NDUFA10: variants seen among roughly 807,000 people sequenced by gnomAD.
NDUFA10 encodes the protein NADH dehydrogenase [ubiquinone] 1 alpha subcomplex subunit 10, mitochondrial.
A neutral mutation model predicts 47.8 loss-of-function variants in NDUFA10; 40 were observed. The observed-to-expected ratio is 0.84, with a 90% confidence interval of 0.65 to 1.09. NDUFA10 has a LOEUF of 1.09. NDUFA10 is among the 50% of genes least tolerant of loss of function. NDUFA10 has a pLI of 0.00. For synonymous variants in NDUFA10, 183 were observed against 172.2 expected, an observed-to-expected ratio of 1.06 and a Z score of -0.49; for missense variants, 413 against 451.1, an observed-to-expected ratio of 0.92 and a Z score of 0.76.
At chr2:240,022,390 T>G in intron 1 of NDUFA10, 50 bp from the exon 2 acceptor site, 1 of 1,612,644 alleles carries the variant, frequency 6.2e-7, no homozygotes, top group Non-Finnish European at 8.5e-7. Context: ...CTCTGGTTCC[T>G]GTAGGCATTA....
At chr2:240,020,400 C>A (rs575586689) in intron 3 of NDUFA10, among the ~76,000 whole-genome samples, 1 of 152,178 alleles carries the variant, frequency 6.6e-6, no homozygotes, top group African/African-American at 2.4e-5. Flanking sequence ...AACTGAGGAC[C>A]GCCGTGGCAT....
chr2:239,943,745 C>T (rs980821314), intron 4 of NDUFA10, among the ~76,000 whole-genome samples: 4 of 151,932 alleles, frequency 2.6e-5, no homozygotes, highest in African/African-American at 9.7e-5. Flanking sequence ...GCACTGGCAT[C>T]CCCTGGTGTT....
intron 4 of NDUFA10, among the ~76,000 whole-genome samples, chr2:239,896,250 T>C (rs896386913): frequency 1.1e-4 from 16 of 152,258 alleles, no homozygotes; most frequent in African/African-American, 3.9e-4. Flanking sequence ...AAATCTCCTG[T>C]GCTCCTGCCC....
intron 8 of NDUFA10, among the ~76,000 whole-genome samples, chr2:239,997,008 T>C (rs1354213809): frequency 6.6e-6 from 1 of 152,122 alleles, no homozygotes; most frequent in African/African-American, 2.4e-5. Context: ...ATGTAAATGC[T>C]ATATAAATAG....
At chr2:240,012,225 T>A in intron 5 of NDUFA10, 1 of 164,794 alleles carries the variant, frequency 6.1e-6, no homozygotes, top group South Asian at 1.6e-4. Context: ...CTATGCGAAT[T>A]TCAGAAACTT....
chr2:239,919,356 C>T (rs1053654889), intron 4 of NDUFA10, among the ~76,000 whole-genome samples: 2 of 152,180 alleles, frequency 1.3e-5, no homozygotes, highest in Non-Finnish European at 2.9e-5. Flanking sequence ...CTCTCTGCCC[C>T]TCCCTGTCCT....
At chr2:239,962,248 A>C (rs948173188) in intron 9 of NDUFA10, among the ~76,000 whole-genome samples, 1 of 140,618 alleles carries the variant, frequency 7.1e-6, no homozygotes, top group African/African-American at 2.6e-5. Context: ...CACCCCTTCC[A>C]AATTCTGCCC....
chr2:240,007,342 C>A lies in NDUFA10; in HGVS notation c.778G>T (p.Ala260Ser), dbSNP rs1206126836. 6.3e-7 allele frequency: 1 copy of A among 1,596,632 alleles called. No homozygotes were observed. The highest frequency in any genetic ancestry group is 1.7e-5 in the Admixed American group (1 of 59,948). ...TTTTTTGAATCTTGAGCTTCCCTTGCAGAATATTGTAAAACCTCACATTTT... is the reference window on the plus strand; with the variant it reads ...TTTTTTGAATCTTGAGCTTCCCTTGAAGAATATTGTAAAACCTCACATTTT... ...SEKCEVLQYS[A>S]REAQDSKKVV... Residue 260 changes from alanine (A) to serine (S), a missense_variant, in exon 7 of 10, where the codon GCA (alanine) becomes TCA (serine). Physicochemically the swap from Ala to Ser is moderately conservative, Grantham distance 99 (BLOSUM62 1). Transcript: ENST00000252711.
intron 3 of NDUFA10, among the ~76,000 whole-genome samples, chr2:240,019,489 T>C (rs1223810824): frequency 6.6e-6 from 1 of 152,038 alleles, no homozygotes; most frequent in African/African-American, 2.4e-5. Flanking sequence ...TTTTAAGAAA[T>C]GAGTAGTCAG....
intron 8 of NDUFA10, 135 bp from the exon 9 acceptor site, chr2:239,990,317 A>G (rs1696193046): frequency 2.7e-6 from 2 of 733,200 alleles, no homozygotes; most frequent in South Asian, 1.5e-5. Context: ...TTGCCAAGCA[A>G]TCATCCCAGC....
At chr2:239,939,819 G>A (rs988485167) in intron 4 of NDUFA10, among the ~76,000 whole-genome samples, 7 of 152,326 alleles carry the variant, frequency 4.6e-5, no homozygotes, top group South Asian at 2.1e-4. Context: ...CGGTCAGAAC[G>A]CTGATAATCC....
chr2:240,006,196 T>G (rs889321178), intron 7 of NDUFA10, among the ~76,000 whole-genome samples: 2 of 152,186 alleles, frequency 1.3e-5, no homozygotes, highest in Non-Finnish European at 2.9e-5. Flanking sequence ...TTATTCTTCT[T>G]CTAAGATACA....
intron 9 of NDUFA10, among the ~76,000 whole-genome samples, chr2:239,989,019 AT>A (rs4149564): frequency 0.58 from 86,670 of 149,930 alleles, 25,245 homozygotes; most frequent in Admixed American, 0.6. Flanking sequence ...ACAAGGACAG[AT>A]AAGGGAGAAA....
chr2:239,972,745 A>T (rs2106411334), intron 9 of NDUFA10, among the ~76,000 whole-genome samples: 1 of 152,352 alleles, frequency 6.6e-6, no homozygotes, highest in South Asian at 2.1e-4. Context: ...TATTTGTTGC[A>T]ATGAGTATTA....
rs781664989 is a variant in NDUFA10 at position 239,958,975 on chromosome 2, C to T, written c.*2143G>A. ...TTTAGTTGTAAGAGCTTTCGTGAGA[C>T]GAACGCATGTACTGCTCTGAAATAA... On this transcript the variant is annotated 3_prime_UTR_variant, in exon 10 of 10. Coordinates refer to ENST00000252711, the MANE Select transcript of NDUFA10 (RefSeq NM_004544.4). 3 of 985,296 alleles carry T rather than the reference C, an allele frequency of 3.0e-6. No homozygotes were observed. Among genetic ancestry groups the T allele is most frequent in the African/African-American group, 1.7e-5 (1 of 57,220 alleles). 61.0% of individuals were successfully genotyped at this position (985,296 alleles called of 1,614,324 possible).
rs955399107 is a variant in NDUFA10 at position 239,960,981 on chromosome 2, G to A, written c.*137C>T. 2.2e-5 allele frequency: 34 copies of A among 1,541,160 alleles called. No individual in the cohort carries two copies. In the African/African-American group the frequency reaches 4.7e-4, roughly 21 times the overall value. On this transcript the variant is annotated 3_prime_UTR_variant, in exon 10 of 10. Coordinates refer to ENST00000252711, the MANE Select transcript of NDUFA10 (RefSeq NM_004544.4). ...TATACTACAGGATGGATTGCTTTTT[G>A]TGAGACCCCTTCTTCCACTGTGCAA... is the stretch of plus-strand genomic sequence containing the variant.
intron 8 of NDUFA10, among the ~76,000 whole-genome samples, chr2:240,004,355 A>G (rs1696853671): frequency 6.6e-6 from 1 of 152,064 alleles, no homozygotes; most frequent in South Asian, 2.1e-4. Context: ...TTTGTTTTTC[A>G]TTTAATAGAT....
chr2:240,017,427 C>G (rs972739978), intron 4 of NDUFA10, among the ~76,000 whole-genome samples: 1 of 152,184 alleles, frequency 6.6e-6, no homozygotes. Flanking sequence ...CTGTCCCTGA[C>G]ACTATCCCAT....
At position 239,978,372 on chromosome 2, in the gene NDUFA10, C is replaced by T. The variant is rs115347759; in HGVS notation, c.999+11702G>A. On this transcript the variant is annotated intron_variant, in intron 9 of 9. Coordinates refer to ENST00000252711, the MANE Select transcript of NDUFA10 (RefSeq NM_004544.4). ...CCTGGGCATGGTCAACCTTCACCAC[C>T]CCTGACCTTCCTGCGGCCTCTGACA... Among the ~76,000 whole-genome samples the T allele has an allele frequency of 1.8e-3, 278 of 152,258 alleles. 2 individuals are homozygous for T. Among genetic ancestry groups the T allele is most frequent in the African/African-American group, 6.5e-3 (270 of 41,538 alleles).
Sources: gnomAD v4.1 joint callset for allele counts (sites outside exome capture counted in the v4.1 genomes callset) on GRCh38, gnomAD v4.1.1 for gene constraint, MANE v1.5 for transcripts, NCBI Gene and HGNC (gene_info 2026-07-23, HGNC 2026-07-21) for gene names.